Variants in MYEF2 observed in about 807,000 individuals in gnomAD.
The protein encoded by MYEF2 is myelin gene expression factor 2.
A neutral mutation model predicts 75.2 loss-of-function variants in MYEF2; 37 were observed. The observed-to-expected ratio is 0.49, with a 90% CI of 0.38 to 0.65. MYEF2 has a LOEUF of 0.65. Among genes scored for constraint, MYEF2 ranks in the 30% least tolerant of loss-of-function variants. MYEF2 has a pLI of 0.00. For synonymous variants in MYEF2, 195 were observed against 241.6 expected, an observed-to-expected ratio of 0.81 and a Z score of 1.79; for missense variants, 634 against 771.4, an observed-to-expected ratio of 0.82 and a Z score of 2.11.
Position 48,134,991 on chromosome 15 carries a change from T to C in MYEF2, c.*7917A>G. ...ATGACAACCAAGTTTACTGGTAAGC[T>C]TGAAAATAATTCTTATGTAAAAATT... is the stretch of plus-strand genomic sequence containing the variant. On this transcript the variant is annotated 3_prime_UTR_variant, in exon 17 of 17. Coordinates refer to ENST00000324324, the MANE Select transcript of MYEF2 (RefSeq NM_016132.5). 6.4e-7 allele frequency: 1 copy of C among 1,573,704 alleles called. No individual in the cohort carries two copies. Among genetic ancestry groups the C allele is most frequent in the South Asian group, 1.2e-5 (1 of 86,706 alleles).
At chr15:48,168,476 C>T (rs939802265) in intron 2 of MYEF2, among the ~76,000 whole-genome samples, 155 bp downstream of exon 2, 72 of 151,890 alleles carry the variant, frequency 4.7e-4, no homozygotes, top group African/African-American at 1.7e-3. Context: ...GAAATTGTGT[C>T]AAGAGAAAGA....
intron 14 of MYEF2, 81 bp downstream of exon 14, chr15:48,151,019 T>C (rs2039471746): frequency 2.2e-6 from 2 of 902,218 alleles, no homozygotes; most frequent in Non-Finnish European, 1.7e-6. Flanking sequence ...AAAGTATTAC[T>C]ATACTACGAT....
chr15:48,149,492 G>T lies in MYEF2; in HGVS notation c.1379-121C>A. On this transcript the variant is annotated intron_variant, in intron 14 of 16. Coordinates refer to ENST00000324324, the MANE Select transcript of MYEF2 (RefSeq NM_016132.5). The surrounding 1 kb of genome is among the most constrained non-coding windows in gnomAD (Gnocchi z 4.0). The stretch of plus-strand genomic sequence containing the variant: ...GATAAACATTTTTGAGAAAGAAGGG[G>T]GAAATTAATTTGTTTATATAATTAA... 1 of 628,424 alleles carries T rather than the reference G, an allele frequency of 1.6e-6. No homozygotes were observed. The allele number at this position is 628,424 out of a possible 1,614,324, so 38.9% of individuals were successfully genotyped here.
rs527636023 is a variant in MYEF2 at position 48,148,949 on chromosome 15, G to A, written c.1639+83C>T. On this transcript the variant is annotated intron_variant, in intron 16 of 16. Transcript: ENST00000324324. ...GGAATAGGCATCCGGACAGGCAAAG[G>A]TCTAAACACAGTGTATAAAAGTTTA... 5.0e-6 allele frequency: 7 copies of A among 1,410,658 alleles called. No individual in the cohort carries two copies. The East Asian group carries it at 1.6e-4, about 32-fold the overall frequency. 87.4% of individuals were successfully genotyped at this position (1,410,658 alleles called of 1,614,324 possible). A position where few individuals can be genotyped will look rare whatever the true frequency, so the allele number is the denominator to read the frequency against.
rs536950500 is a variant in MYEF2 at position 48,151,651 on chromosome 15, T to C, written c.1208-80A>G. 9.6e-6 allele frequency: 13 copies of C among 1,361,066 alleles called. No homozygotes were observed. The East Asian group carries it at 2.8e-4, about 29-fold the overall frequency. The allele number at this position is 1,361,066 out of a possible 1,614,324, so 84.3% of individuals were successfully genotyped here. A position where few individuals can be genotyped will look rare whatever the true frequency, so the allele number is the denominator to read the frequency against. On this transcript the variant is annotated intron_variant, in intron 12 of 16. Transcript: ENST00000324324. ...AACATTCAGGAATGTATCTAAATTA[T>C]GAAAAGACGCGTAAGTCACAAATAT...
At chr15:48,160,512 C>CACAG (rs1367787634) in intron 5 of MYEF2, among the ~76,000 whole-genome samples, 4 of 151,790 alleles carry the variant, frequency 2.6e-5, no homozygotes, top group Non-Finnish European at 5.9e-5. Flanking sequence ...CACACACACA[C>CACAG]ACACACAAAC....
In MYEF2 at chr15:48,149,249, T is replaced by C. The variant is rs1407980517; in HGVS notation, c.1501A>G (p.Met501Val). The C allele has an allele frequency of 1.1e-5, 17 of 1,613,442 alleles. No individual in the cohort carries two copies. The highest frequency in any genetic ancestry group is 1.4e-5 in the Non-Finnish European group (16 of 1,179,536). The change falls in exon 15 of 17, where the codon ATG (methionine) becomes GTG (valine). Residue 501 changes from methionine (M) to valine (V), a missense_variant. By Grantham distance (21) the Met-to-Val change is conservative. Coordinates refer to ENST00000324324, the MANE Select transcript of MYEF2 (RefSeq NM_016132.5). The surrounding 1 kb of genome is among the most constrained non-coding windows in gnomAD (Gnocchi z 4.0). ...IGAILERSID[M>V]DRGFLSGPMG... The stretch of plus-strand genomic sequence containing the variant: ...GGACCCGATAAAAATCCTCGATCCA[T>C]ATCGATGCTCCTTTCCAGTATAGCT...
chr15:48,155,991 T>C (rs2039682966), intron 9 of MYEF2, among the ~76,000 whole-genome samples: 1 of 152,032 alleles, frequency 6.6e-6, no homozygotes, highest in African/African-American at 2.4e-5. Flanking sequence ...TTGACCAGGC[T>C]GATCTCGAAC....
At chr15:48,154,047 A>G (rs2039593468) in intron 9 of MYEF2, 154 bp from the exon 10 acceptor site, 1 of 565,720 alleles carries the variant, frequency 1.8e-6, no homozygotes. Flanking sequence ...TTGTCTAGAA[A>G]GTAGCACACT....
intron 16 of MYEF2, among the ~76,000 whole-genome samples, chr15:48,143,717 A>G (rs549724155): frequency 6.6e-6 from 1 of 152,260 alleles, no homozygotes; most frequent in Non-Finnish European, 1.5e-5. Flanking sequence ...AGGTAAAAAC[A>G]GTGATGTCAA....
chr15:48,176,958 C>T (rs891007019), intron 1 of MYEF2, among the ~76,000 whole-genome samples: 1 of 152,178 alleles, frequency 6.6e-6, no homozygotes, highest in Admixed American at 6.5e-5. Flanking sequence ...CTGGGGAGAG[C>T]TACCCCATCT....
At chr15:48,154,865 T>C (rs2039632511) in intron 9 of MYEF2, among the ~76,000 whole-genome samples, 1 of 151,984 alleles carries the variant, frequency 6.6e-6, no homozygotes. Flanking sequence ...ACAGAACTAA[T>C]AATACAGAAC....
intron 9 of MYEF2, 176 bp downstream of exon 9, chr15:48,157,817 G>C (rs544539356): frequency 1.5e-6 from 2 of 1,335,208 alleles, no homozygotes; most frequent in Non-Finnish European, 1.9e-6. Flanking sequence ...AAAATGGCAC[G>C]TAACACTTAT....
chr15:48,170,914 C>T (rs1418943557), intron 1 of MYEF2, among the ~76,000 whole-genome samples: 1 of 152,116 alleles, frequency 6.6e-6, no homozygotes. Context: ...AGAAAAACTG[C>T]TAGAATAAAG....
rs2038983973 is a variant in MYEF2 at position 48,139,335 on chromosome 15, C to T, written c.*3573G>A. On this transcript the variant is annotated 3_prime_UTR_variant, in exon 17 of 17. Coordinates refer to ENST00000324324, the MANE Select transcript of MYEF2 (RefSeq NM_016132.5). ...TGATTAAGTATTACTATAACAAGAT[C>T]ACTGGAGTTTGTGAGTTGCATATTA... 3 of 568,128 alleles carry T rather than the reference C, an allele frequency of 5.3e-6. No homozygotes were observed. The highest frequency in any genetic ancestry group is 9.2e-6 in the Non-Finnish European group (3 of 324,898). 35.2% of individuals were successfully genotyped at this position (568,128 alleles called of 1,614,324 possible). A position where few individuals can be genotyped will look rare whatever the true frequency, so the allele number is the denominator to read the frequency against.
At chr15:48,143,704 T>C (rs1327693005) in intron 16 of MYEF2, among the ~76,000 whole-genome samples, 3 of 151,932 alleles carry the variant, frequency 2.0e-5, no homozygotes, top group Non-Finnish European at 2.9e-5. Context: ...TTTAAATCAA[T>C]AAAGGTAAAA....
In MYEF2 at chr15:48,134,689, A is replaced by T. The variant is rs1387037362; in HGVS notation, c.*8219T>A. ...AACAACATGTATTCAATTTAATGTTAATCCACAAATAGCTCTTGGTCAGAT... is the reference window on the plus strand; with the variant it reads ...AACAACATGTATTCAATTTAATGTTTATCCACAAATAGCTCTTGGTCAGAT... On this transcript the variant is annotated 3_prime_UTR_variant, in exon 17 of 17. Transcript: ENST00000324324. 1.4e-6 allele frequency: 1 copy of T among 712,930 alleles called. No individual in the cohort carries two copies. The highest frequency in any genetic ancestry group is 2.3e-6 in the Non-Finnish European group (1 of 433,404). 44.2% of individuals were successfully genotyped at this position (712,930 alleles called of 1,614,324 possible). A position where few individuals can be genotyped will look rare whatever the true frequency, so the allele number is the denominator to read the frequency against.
rs774959206 is a variant in MYEF2 at position 48,139,163 on chromosome 15, G to T, written c.*3745C>A. 5.6e-6 allele frequency: 9 copies of T among 1,610,774 alleles called. No homozygotes were observed. Among genetic ancestry groups the T allele is most frequent in the Non-Finnish European group, 7.6e-6 (9 of 1,177,894 alleles). ...ATTTACATATATCCTGGTTTGGATG[G>T]TCACAATAACTGGTATGTATTTTAA... On this transcript the variant is annotated 3_prime_UTR_variant, in exon 17 of 17. Transcript: ENST00000324324.
At position 48,165,914 on chromosome 15, in the gene MYEF2, TA is replaced by T; in HGVS notation, c.525+18del. On this transcript the variant is annotated intron_variant, in intron 5 of 16. Coordinates refer to ENST00000324324, the MANE Select transcript of MYEF2 (RefSeq NM_016132.5). ...TCTTTATAGTCAAATGTTTAAATTC[TA>T]AATATGAGAAATCTTACCTCTTTAA... 6.9e-7 allele frequency: 1 copy of T among 1,458,484 alleles called. No homozygotes were observed. The highest frequency in any genetic ancestry group is 1.3e-5 in the South Asian group (1 of 78,700). The allele number at this position is 1,458,484 out of a possible 1,614,324, so 90.3% of individuals were successfully genotyped here. A position where few individuals can be genotyped will look rare whatever the true frequency, so the allele number is the denominator to read the frequency against.
Sources: allele counts gnomAD v4.1 joint callset (sites outside exome capture counted in the v4.1 genomes callset), GRCh38; gene constraint gnomAD v4.1.1; non-coding constraint Gnocchi (gnomAD v3.1); transcripts MANE v1.5; gene names NCBI Gene and HGNC (gene_info 2026-07-23, HGNC 2026-07-21).